Variants in INPP5D observed in about 807,000 individuals in gnomAD.
The protein encoded by INPP5D is inositol polyphosphate-5-phosphatase D, also known as phosphatidylinositol 3,4,5-trisphosphate 5-phosphatase 1.
Under a neutral mutation model 122.9 loss-of-function variants are expected in INPP5D, and 33 were observed. The ratio of observed to expected loss-of-function variants is 0.27; its 90% CI spans 0.20 to 0.36. The LOEUF (loss-of-function observed/expected upper bound fraction) is 0.36. Ranked by LOEUF, INPP5D falls within the 10% of genes least tolerant of loss-of-function variation. The pLI is 1.00. For synonymous variants in INPP5D, 584 were observed against 576.2 expected (o/e 1.01, Z -0.19); for missense variants, 1,053 against 1,412.7 (o/e 0.75, Z 4.08).
At chr2:233,157,644 G>C (rs1042789829) in intron 9 of INPP5D, among the ~76,000 whole-genome samples, 3 of 101,266 alleles carry the variant, frequency 3.0e-5, no homozygotes, top group Admixed American at 2.3e-4. Context: ...TGGGGGAGCA[G>C]GTTGTGTGTG....
intron 22 of INPP5D, among the ~76,000 whole-genome samples, chr2:233,190,772 CAGAG>C (rs1695036573): frequency 6.6e-6 from 1 of 152,174 alleles, no homozygotes; most frequent in African/African-American, 2.4e-5. Context: ...CTGGAGGGGA[CAGAG>C]AGAGGCAGGA....
chr2:233,066,102 T>C (rs1574698003), intron 1 of INPP5D, among the ~76,000 whole-genome samples: 3 of 152,102 alleles, frequency 2.0e-5, no homozygotes, highest in Non-Finnish European at 2.9e-5. Context: ...GTATTCCAGG[T>C]GCAAGTCACC....
intron 17 of INPP5D, among the ~76,000 whole-genome samples, chr2:233,171,877 G>A (rs1306040260): frequency 6.6e-6 from 1 of 152,224 alleles, no homozygotes; most frequent in Non-Finnish European, 1.5e-5. Flanking sequence ...AGGGTCAAAT[G>A]GCTGGGACGG....
rs1694827882 is a variant in INPP5D, at chr2:233,183,196, G to T, written c.2161+697G>T. Among the ~76,000 whole-genome samples, 1 of 152,176 alleles carries T rather than the reference G, an allele frequency of 6.6e-6. No homozygotes were observed. The highest frequency in any genetic ancestry group is 2.4e-5 in the African/African-American group (1 of 41,438). ...TGCCCATCCAGCCCTTGGCCTAGGT[G>T]ACCAGGGAGCCATGTTGTCTCTGCC... is the stretch of plus-strand genomic sequence containing the variant. On this transcript the variant is annotated intron_variant, in intron 19 of 26. Transcript: ENST00000445964. This position sits in a 1 kb window ranked among gnomAD's most constrained non-coding sequence, Gnocchi z 4.6.
rs765431928 is a variant in INPP5D at position 233,129,913 on chromosome 2, TGTGTGA to T, written c.525-593_525-588del. ...GTGTGTGTGTGTGTGTGTGTGTGTGTGTGTGAGAGACAGTGTCTCACTCTGTCACTC... is the reference window on the plus strand; with the variant it reads ...GTGTGTGTGTGTGTGTGTGTGTGTGTGAGACAGTGTCTCACTCTGTCACTC... On this transcript the variant is annotated intron_variant, in intron 4 of 26. Coordinates refer to ENST00000445964, the MANE Select transcript of INPP5D (RefSeq NM_001017915.3). Among the ~76,000 whole-genome samples the T allele has an allele frequency of 4.5e-3, 588 of 131,104 alleles. 2 individuals carry two copies. The highest frequency in any genetic ancestry group is 6.5e-3 in the Non-Finnish European group (396 of 61,000). The allele number at this position is 131,104 out of a possible 152,430, so 86.0% of individuals were successfully genotyped here. A position where few individuals can be genotyped will look rare whatever the true frequency, so the allele number is the denominator to read the frequency against.
rs147248197 is a variant in INPP5D at position 233,117,679 on chromosome 2, C to A, written c.199-4428C>A. 1.4e-4 allele frequency among the ~76,000 whole-genome samples: 21 copies of A among 152,304 alleles called. No homozygotes were observed. In the East Asian group the frequency reaches 3.1e-3, roughly 22 times the overall value. On this transcript the variant is annotated intron_variant, in intron 2 of 26. Transcript: ENST00000445964. ...ATGCCCTGTCCCTACATGTTCTCCC[C>A]AAGTTCCCCCGTTTAATGAGACATC...
intron 25 of INPP5D, among the ~76,000 whole-genome samples, chr2:233,200,768 G>C (rs1252137889): frequency 6.6e-6 from 1 of 152,114 alleles, no homozygotes; most frequent in Non-Finnish European, 1.5e-5. Context: ...AGACCAGCCT[G>C]ACCAACACGG....
At chr2:233,144,686 GGGTGGAGGTGGTAGTAGTGATGGTGAT>G (rs1693710791) in intron 6 of INPP5D, among the ~76,000 whole-genome samples, 1 of 117,216 alleles carries the variant, frequency 8.5e-6, no homozygotes, top group African/African-American at 2.8e-5. Flanking sequence ...GTGATGGTGA[GGGTGGAGGTGGTAGTAGTGATGGTGAT>G]GGTGGAGGTG....
intron 9 of INPP5D, among the ~76,000 whole-genome samples, chr2:233,154,404 C>A (rs1348075658): frequency 6.6e-6 from 1 of 152,186 alleles, no homozygotes; most frequent in Non-Finnish European, 1.5e-5. Flanking sequence ...CTGCCTTGGC[C>A]TCCCAAAGTG....
At chr2:233,092,078 A>G (rs1458617484) in intron 2 of INPP5D, among the ~76,000 whole-genome samples, 2 of 152,248 alleles carry the variant, frequency 1.3e-5, no homozygotes, top group Non-Finnish European at 2.9e-5. Context: ...AGATTAGCAA[A>G]GCCTCCCAAG....
At chr2:233,117,868 G>C (rs1692849193) in intron 2 of INPP5D, among the ~76,000 whole-genome samples, 1 of 152,204 alleles carries the variant, frequency 6.6e-6, no homozygotes, top group Non-Finnish European at 1.5e-5. Flanking sequence ...TGCATCCCCA[G>C]TCCCAGATGC....
At position 233,060,486 on chromosome 2, in the gene INPP5D, C is replaced by T; in HGVS notation, c.8C>T (p.Pro3Leu). Residue 3 changes from proline to leucine, a missense_variant, in exon 1 of 27, where the codon CCC (proline) becomes CTC (leucine). Around this residue, in one of 6 missense-constraint regions of INPP5D, gnomAD observed 74 missense variants for 146.6 expected, o/e 0.50. Coordinates refer to ENST00000445964, the MANE Select transcript of INPP5D (RefSeq NM_001017915.3). MV[P>L]CWNHGNITRS... ...AGGAGGCCCACGCCCACCATGGTCC[C>T]CTGCTGGAACCATGGCAACATCACC... 4 of 1,608,158 alleles carry T rather than the reference C, an allele frequency of 2.5e-6. No homozygotes were observed. Among genetic ancestry groups the T allele is most frequent in the Non-Finnish European group, 3.4e-6 (4 of 1,177,118 alleles).
intron 2 of INPP5D, among the ~76,000 whole-genome samples, chr2:233,094,876 C>T (rs911238449): frequency 6.6e-6 from 1 of 152,186 alleles, no homozygotes; most frequent in African/African-American, 2.4e-5. Context: ...CAATGTCTAT[C>T]AACATCCGTA....
intron 1 of INPP5D, among the ~76,000 whole-genome samples, chr2:233,064,137 C>G (rs1175061237): frequency 6.6e-6 from 1 of 152,266 alleles, no homozygotes; most frequent in Non-Finnish European, 1.5e-5. Flanking sequence ...TCTGCAGGAG[C>G]AGCTGGGGCC....
intron 2 of INPP5D, among the ~76,000 whole-genome samples, chr2:233,085,013 GT>G (rs1691793713): frequency 6.6e-6 from 1 of 152,212 alleles, no homozygotes; most frequent in Admixed American, 6.5e-5. Context: ...ACATTCAAGA[GT>G]AATTTGATAG....
intron 18 of INPP5D, among the ~76,000 whole-genome samples, chr2:233,179,923 G>A (rs1002644519): frequency 2.6e-5 from 4 of 152,120 alleles, no homozygotes; most frequent in Admixed American, 1.3e-4. Context: ...ATTTGCTCGC[G>A]AGTCTCTGCG....
At chr2:233,132,094 G>A (rs1002655723) in intron 5 of INPP5D, among the ~76,000 whole-genome samples, 3 of 152,156 alleles carry the variant, frequency 2.0e-5, no homozygotes, top group Non-Finnish European at 4.4e-5. Flanking sequence ...AGATTCCCAT[G>A]GAGGGATTTT....
At chr2:233,204,886 C>A in intron 26 of INPP5D, 169 bp downstream of exon 26, 3 of 1,143,998 alleles carry the variant, frequency 2.6e-6, no homozygotes, top group Non-Finnish European at 3.5e-6. Flanking sequence ...GTCCTGGGAA[C>A]TGCTCCATGA....
At chr2:233,159,776 C>A (rs1694156940) in intron 10 of INPP5D, among the ~76,000 whole-genome samples, 1 of 151,624 alleles carries the variant, frequency 6.6e-6, no homozygotes, top group Admixed American at 6.6e-5. Context: ...CATCAGGGAC[C>A]CCCAGCAAGG....
Sources: allele counts gnomAD v4.1 joint callset (sites outside exome capture counted in the v4.1 genomes callset), GRCh38; gene constraint gnomAD v4.1.1; regional missense constraint gnomAD v4.1.1; non-coding constraint Gnocchi (gnomAD v3.1); transcripts MANE v1.5; gene names NCBI Gene and HGNC (gene_info 2026-07-23, HGNC 2026-07-21).